FTCDNL1: variants seen among roughly 807,000 people sequenced by gnomAD.
The protein encoded by FTCDNL1 is formiminotransferase N-terminal subdomain-containing protein.
In FTCDNL1, 11 loss-of-function variants were observed where a neutral mutation model predicts 5.9. The ratio of observed to expected loss-of-function variants is 1.87; its 90% confidence interval spans 1.18 to 3.10. The LOEUF is 3.10. Among genes scored for constraint, FTCDNL1 ranks in the 30% most tolerant of loss-of-function variants. The pLI, the probability that FTCDNL1 is intolerant of heterozygous loss-of-function variation, is 0.00. For missense variants in FTCDNL1, 115 were observed against 65.5 expected, an observed-to-expected ratio of 1.76 and a Z score of -2.61; for synonymous variants, 58 against 24.8, an observed-to-expected ratio of 2.34 and a Z score of -3.99.
intron 3 of FTCDNL1, among the ~76,000 whole-genome samples, chr2:199,786,403 G>A (rs892108385): frequency 1.1e-4 from 16 of 152,140 alleles, no homozygotes; most frequent in African/African-American, 3.6e-4. Context: ...ATTTGACTGA[G>A]GTTTACATTT....
At chr2:199,776,945 G>A (rs975142717) in intron 3 of FTCDNL1, among the ~76,000 whole-genome samples, 2 of 141,856 alleles carry the variant, frequency 1.4e-5, no homozygotes, top group Non-Finnish European at 3.0e-5. Flanking sequence ...CACACACACA[G>A]AGATGTGTGT....
chr2:199,806,469 G>A (rs189025241), downstream of FTCDNL1, among the ~76,000 whole-genome samples: 11 of 152,272 alleles, frequency 7.2e-5, no homozygotes, highest in South Asian at 6.2e-4. Context: ...ATATTTATAC[G>A]AAACAAAACT....
intron 3 of FTCDNL1, among the ~76,000 whole-genome samples, chr2:199,771,601 C>G (rs988430086): frequency 2.0e-5 from 3 of 152,190 alleles, no homozygotes; most frequent in Non-Finnish European, 4.4e-5. Flanking sequence ...AGAACAAAAG[C>G]AAATGGTAAA....
chr2:199,846,342 T>A (rs2076732178), intron 2 of FTCDNL1, among the ~76,000 whole-genome samples, 172 bp from the exon 3 acceptor site: 1 of 152,244 alleles, frequency 6.6e-6, no homozygotes, highest in African/African-American at 2.4e-5. Flanking sequence ...TCCACTTTTC[T>A]TACAGCATCT....
At chr2:199,733,491 T>C in the FTCDNL1 span, among the ~76,000 whole-genome samples, 3 of 152,120 alleles carry the variant, frequency 2.0e-5, no homozygotes, top group Admixed American at 2.0e-4. Context: ...TGCCAAGGCA[T>C]AAGGCCCAAA....
At chr2:199,669,071 T>A in the FTCDNL1 span, among the ~76,000 whole-genome samples, 15 of 152,206 alleles carry the variant, frequency 9.9e-5, no homozygotes, top group Non-Finnish European at 2.1e-4. Flanking sequence ...AAAGAATTTA[T>A]TTCGCGGGTT....
intron 4 of FTCDNL1, chr2:199,818,393 T>C (rs1701480869): frequency 6.6e-6 from 1 of 152,180 alleles, no homozygotes; most frequent in South Asian, 2.1e-4. Flanking sequence ...TTAAATCTCA[T>C]CTTCATAGGG....
chr2:199,800,748 A>G (rs1700404020), intron 3 of FTCDNL1, among the ~76,000 whole-genome samples: 1 of 152,216 alleles, frequency 6.6e-6, no homozygotes, highest in Non-Finnish European at 1.5e-5. Context: ...TGTTTGGGAT[A>G]CAACTTTCCC....
chr2:199,790,979 G>T (rs898409237), intron 3 of FTCDNL1, among the ~76,000 whole-genome samples: 1 of 151,980 alleles, frequency 6.6e-6, no homozygotes, highest in Non-Finnish European at 1.5e-5. Flanking sequence ...AACACCACTG[G>T]CAAGTGTGGA....
At position 199,781,317 on chromosome 2, in the gene FTCDNL1, GCTTC is replaced by G. The variant is rs544450498; in HGVS notation, c.212-20486_212-20483del. Among the ~76,000 whole-genome samples, 105 of 152,312 alleles carry G rather than the reference GCTTC, an allele frequency of 6.9e-4. 1 individual carries two copies. Among genetic ancestry groups the G allele is most frequent in the African/African-American group, 2.4e-3 (98 of 41,566 alleles). On this transcript the variant is annotated intron_variant, in intron 3 of 3. Coordinates refer to the FTCDNL1 transcript ENST00000416668. ...TATGAAGCAGCTCCTCAGGCTCTGT[GCTTC>G]CTTCCTACTGACAGGAGGTATATGA...
At chr2:199,760,810 C>T (rs757174745) in exon 4 of FTCDNL1, 3 of 702,236 alleles carry the variant, frequency 4.3e-6, no homozygotes, top group Non-Finnish European at 5.2e-6. Context: ...ACAGCACTTG[C>T]CTTTAGGCTT....
chr2:199,775,707 A>G (rs1699024898), intron 3 of FTCDNL1, among the ~76,000 whole-genome samples: 1 of 152,178 alleles, frequency 6.6e-6, no homozygotes, highest in African/African-American at 2.4e-5. Flanking sequence ...TTTAGAACAT[A>G]AAGAAAGGAA....
intron 3 of FTCDNL1, among the ~76,000 whole-genome samples, chr2:199,824,519 C>T (rs894894009): frequency 1.3e-5 from 2 of 152,204 alleles, no homozygotes; most frequent in African/African-American, 2.4e-5. Context: ...CCAGCTGGCA[C>T]AAGAGGCCTA....
At chr2:199,843,478 G>A (rs564840070) in intron 3 of FTCDNL1, among the ~76,000 whole-genome samples, 50 of 152,064 alleles carry the variant, frequency 3.3e-4, no homozygotes, top group Admixed American at 5.9e-4. Context: ...AAAACGTAAA[G>A]CAAGTCTGGA....
chr2:199,758,705 A>G (rs1404302373), downstream of FTCDNL1, among the ~76,000 whole-genome samples: 1 of 152,224 alleles, frequency 6.6e-6, no homozygotes, highest in South Asian at 2.1e-4. Flanking sequence ...TTGGACCACT[A>G]GCATACGCAT....
At chr2:199,756,412 C>A (rs549423216), downstream of FTCDNL1, among the ~76,000 whole-genome samples, 47 of 152,290 alleles carry the variant, frequency 3.1e-4, no homozygotes, top group African/African-American at 1.1e-3. Context: ...CTTCCACCAG[C>A]CAGCGGGCTG....
chr2:199,666,988 T>G, the FTCDNL1 span, among the ~76,000 whole-genome samples: 85 of 152,126 alleles, frequency 5.6e-4, no homozygotes, highest in Non-Finnish European at 5.4e-4. Flanking sequence ...TTTTCTCTTT[T>G]GTCTATACTA....
Position 199,820,057 on chromosome 2 carries a change from T to A in FTCDNL1, c.212-300A>T, listed in dbSNP as rs545357127. 8.5e-5 allele frequency among the ~76,000 whole-genome samples: 13 copies of A among 152,348 alleles called. No individual in the cohort carries two copies. In the East Asian group the frequency reaches 2.5e-3, roughly 29 times the overall value. On this transcript the variant is annotated intron_variant, in intron 3 of 4. Coordinates refer to ENST00000420128, the MANE Select transcript of FTCDNL1 (RefSeq NM_001363886.2). ...AAGCAGGCTTGAATTTCTAACCCAT[T>A]ACAAATCTAATTTCACAGTGGAAAT...
the FTCDNL1 span, among the ~76,000 whole-genome samples, chr2:199,666,741 C>T: frequency 2.6e-5 from 4 of 151,816 alleles, no homozygotes; most frequent in African/African-American, 7.3e-5. Flanking sequence ...ATGGTGAAGC[C>T]CCGTCTCTAC....
Sources: gnomAD v4.1 joint callset for allele counts (sites outside exome capture counted in the v4.1 genomes callset) on GRCh38, gnomAD v4.1.1 for gene constraint, MANE v1.5 for transcripts, NCBI Gene and HGNC (gene_info 2026-07-23, HGNC 2026-07-21) for gene names.